Variants in TMC2 observed in about 807,000 individuals in gnomAD.
The protein encoded by TMC2 is transmembrane channel-like protein 2.
TMC2 carries 102 observed loss-of-function variants against 105.9 expected under a neutral mutation model. The ratio of observed to expected loss-of-function variants is 0.96; its 90% confidence interval spans 0.82 to 1.14. The LOEUF is 1.14. Among genes scored for constraint, TMC2 ranks in the 50% most tolerant of loss-of-function variants. The pLI is 0.00. For missense variants in TMC2, 1,093 were observed against 1,134.3 expected, an observed-to-expected ratio of 0.96 and a Z score of 0.52; for synonymous variants, 402 against 422.8, an observed-to-expected ratio of 0.95 and a Z score of 0.60.
chr20:2,626,505 G>A (rs2086565320), intron 17 of TMC2, among the ~76,000 whole-genome samples: 1 of 152,206 alleles, frequency 6.6e-6, no homozygotes, highest in Admixed American at 6.5e-5. Flanking sequence ...CTCTATTGAA[G>A]CAATCACAAA....
At chr20:2,609,829 G>A (rs2146234990) in intron 11 of TMC2, among the ~76,000 whole-genome samples, 1 of 152,100 alleles carries the variant, frequency 6.6e-6, no homozygotes, top group African/African-American at 2.4e-5. Flanking sequence ...ACTTTCCACT[G>A]GGTGAGCAGT....
chr20:2,542,836 C>T (rs935666597), intron 2 of TMC2, among the ~76,000 whole-genome samples: 2 of 151,586 alleles, frequency 1.3e-5, no homozygotes, highest in Non-Finnish European at 2.9e-5. Flanking sequence ...GGACTACAGG[C>T]GAGCACTACC....
At chr20:2,573,728 T>A (rs1277222455) in intron 5 of TMC2, among the ~76,000 whole-genome samples, 3 of 146,388 alleles carry the variant, frequency 2.0e-5, no homozygotes, top group Non-Finnish European at 4.5e-5. Context: ...GCCCGGCTAA[T>A]TTTTTGTGTT....
At chr20:2,606,884 C>CTTTCTT (rs2086396500) in intron 11 of TMC2, among the ~76,000 whole-genome samples, 11 of 88,254 alleles carry the variant, frequency 1.2e-4, no homozygotes, top group African/African-American at 6.0e-4. Flanking sequence ...CCCTTAATTT[C>CTTTCTT]TTTTTTCTTT....
intron 7 of TMC2, among the ~76,000 whole-genome samples, chr20:2,585,981 A>G (rs2086228624): frequency 6.6e-6 from 1 of 152,204 alleles, no homozygotes; most frequent in Non-Finnish European, 1.5e-5. Flanking sequence ...ATGGTACACA[A>G]TAATAAATAC....
At chr20:2,599,295 TAAA>T (rs11473820) in intron 10 of TMC2, among the ~76,000 whole-genome samples, 3,621 of 126,788 alleles carry the variant, frequency 0.029, 138 homozygotes, top group African/African-American at 0.095. Context: ...GGGATAATGT[TAAA>T]AAAAAAAAAA....
intron 5 of TMC2, among the ~76,000 whole-genome samples, chr20:2,573,850 A>G (rs907867081): frequency 1.5e-4 from 23 of 151,870 alleles, no homozygotes; most frequent in South Asian, 8.3e-4. Context: ...GTGAGCCACC[A>G]CGCCCGGCCT....
At chr20:2,636,307 A>G (rs1480898164) in intron 18 of TMC2, among the ~76,000 whole-genome samples, 2 of 152,204 alleles carry the variant, frequency 1.3e-5, no homozygotes, top group Non-Finnish European at 2.9e-5. Flanking sequence ...AATAACTCCT[A>G]CAGGTTAAAG....
rs565664102 is a variant in TMC2, at chr20:2,594,225, C to CTTTTTTTTTTTTTTTTTT, written c.934-597_934-580dup. On this transcript the variant is annotated intron_variant, in intron 8 of 19. Transcript: ENST00000358864. ...CCAACTATACTGTTACTAAGGATTCCTTTTTTTTTTTTTTTTTTTTGAGAC... is the reference window on the plus strand; with the variant it reads ...CCAACTATACTGTTACTAAGGATTCCTTTTTTTTTTTTTTTTTTTTTTTTTTTTTTTTTTTTTTGAGAC... 2.5e-3 allele frequency among the ~76,000 whole-genome samples: 282 copies of CTTTTTTTTTTTTTTTTTT among 113,760 alleles called. 21 individuals carry two copies. Among genetic ancestry groups the CTTTTTTTTTTTTTTTTTT allele is most frequent in the African/African-American group, 8.4e-3 (261 of 31,206 alleles). 74.6% of individuals were successfully genotyped at this position (113,760 alleles called of 152,430 possible). A position where few individuals can be genotyped will look rare whatever the true frequency, so the allele number is the denominator to read the frequency against.
chr20:2,631,160 A>G (rs559854929), intron 17 of TMC2, among the ~76,000 whole-genome samples: 2 of 152,194 alleles, frequency 1.3e-5, no homozygotes, highest in African/African-American at 2.4e-5. Context: ...TTGAATTAAT[A>G]CCAACTTAAT....
Position 2,558,375 on chromosome 20 carries a change from G to A in TMC2, c.83-81G>A, listed in dbSNP as rs1384534557. The A allele has an allele frequency of 2.6e-6, 4 of 1,534,034 alleles. No individual in the cohort carries two copies. In the East Asian group the frequency reaches 9.8e-5, roughly 38 times the overall value. On this transcript the variant is annotated intron_variant, in intron 2 of 19. Transcript: ENST00000358864. The surrounding 1 kb of genome is among the most constrained non-coding windows in gnomAD (Gnocchi z 4.6). ...ACAAGCTCTCGGAATCATCTTGGAC[G>A]TCTGATTTCTCACGGCCGGGGACAT...
At position 2,640,386 on chromosome 20, in the gene TMC2, T is replaced by C. The variant is rs2086679901; in HGVS notation, c.2504-748T>C. 2.6e-5 allele frequency among the ~76,000 whole-genome samples: 4 copies of C among 152,318 alleles called. No individual in the cohort carries two copies. The South Asian group carries it at 6.2e-4, about 24-fold the overall frequency. ...TTAAGTATTCGCTATAATAAAATGA[T>C]ACTAGCTGCTGCAACAAAGAGGCCC... On this transcript the variant is annotated intron_variant, in intron 19 of 19. Transcript: ENST00000358864.
At position 2,594,862 on chromosome 20, in the gene TMC2, A is replaced by G. The variant is rs1438251371; in HGVS notation, c.971A>G (p.Tyr324Cys). The G allele has an allele frequency of 1.9e-6, 3 of 1,614,026 alleles. No individual in the cohort carries two copies. In the Admixed American group the frequency reaches 5.0e-5, roughly 27 times the overall value. Residue 324 changes from tyrosine (Y) to cysteine (C), a missense_variant, in exon 9 of 20, where the codon TAC (tyrosine) becomes TGC (cysteine). By Grantham distance (194) the Tyr-to-Cys change is radical (BLOSUM62 -2). Coordinates refer to ENST00000358864, the MANE Select transcript of TMC2 (RefSeq NM_080751.3). ...TACTCTGCACTCTTCTATGGCTACT[A>G]CAACAACCAGAGGACCATCGGGTGG... is the stretch of plus-strand genomic sequence containing the variant. ...IKYSALFYGYYNNQRTIGWLR... is the reference protein window; with the variant it reads ...IKYSALFYGYCNNQRTIGWLR...
chr20:2,601,371 T>C (rs573256802), intron 10 of TMC2, among the ~76,000 whole-genome samples: 111 of 152,378 alleles, frequency 7.3e-4, no homozygotes, highest in African/African-American at 2.5e-3. Context: ...TAGCTTTTTA[T>C]AGAATGAGTT....
At chr20:2,627,538 T>A (rs2086573174) in intron 17 of TMC2, among the ~76,000 whole-genome samples, 1 of 152,202 alleles carries the variant, frequency 6.6e-6, no homozygotes, top group Non-Finnish European at 1.5e-5. Flanking sequence ...ATTGTAAGAT[T>A]TCCACTTTCT....
intron 13 of TMC2, among the ~76,000 whole-genome samples, chr20:2,612,697 CA>C (rs1298123885): frequency 1.3e-5 from 2 of 150,870 alleles, no homozygotes; most frequent in African/African-American, 2.4e-5. Flanking sequence ...CTCTATATAT[CA>C]AAAAAAAGAA....
At position 2,636,054 on chromosome 20, in the gene TMC2, T is replaced by C. The variant is rs766523264; in HGVS notation, c.2385+50T>C. On this transcript the variant is annotated intron_variant, in intron 18 of 19. Coordinates refer to ENST00000358864, the MANE Select transcript of TMC2 (RefSeq NM_080751.3). ...TGGACGGTAAAAAGAGATCATGTTT[T>C]TGGTTTTTGCTAATTTGCTGTGTGA... 3.2e-6 allele frequency: 5 copies of C among 1,567,730 alleles called. No individual in the cohort carries two copies. The African/African-American group carries it at 6.8e-5, about 21-fold the overall frequency.
chr20:2,543,634 C>T (rs1319132884), intron 2 of TMC2, among the ~76,000 whole-genome samples: 1 of 152,176 alleles, frequency 6.6e-6, no homozygotes, highest in Non-Finnish European at 1.5e-5. Flanking sequence ...AAGACATGCT[C>T]ATGAAGCAGA....
chr20:2,566,710 A>G (rs2086066766), intron 4 of TMC2, among the ~76,000 whole-genome samples: 1 of 152,276 alleles, frequency 6.6e-6, no homozygotes. Context: ...GGTAGAAAGA[A>G]GAAGGCAAAC....
Sources: allele counts gnomAD v4.1 joint callset (sites outside exome capture counted in the v4.1 genomes callset), GRCh38; gene constraint gnomAD v4.1.1; non-coding constraint Gnocchi (gnomAD v3.1); transcripts MANE v1.5; gene names NCBI Gene and HGNC (gene_info 2026-07-23, HGNC 2026-07-21).